PATJ: variants seen among roughly 807,000 people sequenced by gnomAD.
PATJ encodes the protein inaD-like protein.
Under a neutral mutation model 224.9 loss-of-function variants are expected in PATJ, and 190 were observed. That is an observed-to-expected ratio of 0.84 (90% CI 0.75 to 0.95). PATJ has a LOEUF of 0.95. PATJ is among the 40% of genes least tolerant of loss of function. The pLI, the probability that PATJ is intolerant of heterozygous loss-of-function variation, is 0.00. For missense variants in PATJ, 2,121 were observed against 2,270.3 expected, an observed-to-expected ratio of 0.93 and a Z score of 1.34; for synonymous variants, 769 against 820.3, an observed-to-expected ratio of 0.94 and a Z score of 1.07.
Position 61,771,408 on chromosome 1 carries a change from ATTTCT to A in PATJ, c.525-16_525-12del. 1 of 1,498,264 alleles carries A rather than the reference ATTTCT, an allele frequency of 6.7e-7. No homozygotes were observed. Among genetic ancestry groups the A allele is most frequent in the Non-Finnish European group, 9.0e-7 (1 of 1,116,630 alleles). 92.8% of individuals were successfully genotyped at this position (1,498,264 alleles called of 1,614,324 possible). On this transcript the variant is annotated intron_variant, in intron 5 of 43. Transcript: ENST00000642238. ...ATCAGGTTATTAGATCACTTAAAAAATTTCTTTTCTTACATGATTAAGGGATCAAA... is the reference window on the plus strand; with the variant it reads ...ATCAGGTTATTAGATCACTTAAAAAATTTCTTACATGATTAAGGGATCAAA...
At chr1:61,884,836 G>A (rs1487621618) in intron 22 of PATJ, among the ~76,000 whole-genome samples, 5 of 152,128 alleles carry the variant, frequency 3.3e-5, no homozygotes, top group Non-Finnish European at 7.4e-5. Flanking sequence ...TGAGAAATTA[G>A]TGCTTCAATA....
intron 13 of PATJ, 123 bp from the exon 14 acceptor site, chr1:61,808,351 A>T (rs769418775): frequency 1.1e-5 from 7 of 661,094 alleles, no homozygotes; most frequent in Non-Finnish European, 1.9e-5. Flanking sequence ...AATATAAGAA[A>T]GGTATCGGAA....
In PATJ at chr1:61,856,232, C is replaced by G; in HGVS notation, c.2315C>G (p.Pro772Arg). The G allele has an allele frequency of 6.2e-7, 1 of 1,612,804 alleles. No homozygotes were observed. The highest frequency in any genetic ancestry group is 8.5e-7 in the Non-Finnish European group (1 of 1,178,842). Residue 772 changes from proline (P) to arginine (R), a missense_variant, in exon 18 of 44, where the codon CCT becomes CGT. Transcript: ENST00000642238. ...CTAGTACACCTTGGCATCTGTAAGC[C>G]TTTGGTGGTAAGTGTTGTATTTTGT... is the stretch of plus-strand genomic sequence containing the variant. ...PGLVHLGICK[P>R]LVEDNEEESC...
At chr1:62,034,593 C>T (rs191959545) in intron 29 of PATJ, among the ~76,000 whole-genome samples, 4 of 152,120 alleles carry the variant, frequency 2.6e-5, no homozygotes, top group East Asian at 1.9e-4. Context: ...CTTTGGTTGC[C>T]GTCTTCCTAC....
intron 41 of PATJ, among the ~76,000 whole-genome samples, chr1:62,141,178 T>C (rs1287100464): frequency 6.6e-6 from 1 of 152,162 alleles, no homozygotes; most frequent in African/African-American, 2.4e-5. Context: ...TAAACTCTGT[T>C]GCCTCACACA....
intron 23 of PATJ, among the ~76,000 whole-genome samples, chr1:61,900,086 C>T (rs1434869964): frequency 6.6e-6 from 1 of 152,122 alleles, no homozygotes; most frequent in Non-Finnish European, 1.5e-5. Context: ...TGTTGAAAAC[C>T]CATCTTCCCT....
intron 16 of PATJ, among the ~76,000 whole-genome samples, chr1:61,828,584 G>A (rs955902031): frequency 2.0e-5 from 3 of 151,744 alleles, no homozygotes; most frequent in African/African-American, 7.3e-5. Context: ...TACAGTCAGG[G>A]TCTTGCCGTA....
chr1:62,089,060 G>A (rs1372016390), intron 33 of PATJ, among the ~76,000 whole-genome samples: 1 of 151,942 alleles, frequency 6.6e-6, no homozygotes, highest in African/African-American at 2.4e-5. Context: ...GATTACTTTT[G>A]TAAATAAAAG....
intron 42 of PATJ, among the ~76,000 whole-genome samples, chr1:62,151,586 G>A (rs983156860): frequency 3.3e-5 from 5 of 152,028 alleles, no homozygotes; most frequent in East Asian, 1.9e-4. Context: ...GCGAGACTCC[G>A]TCTCAAAAAA....
At chr1:61,884,690 A>G (rs1328595826) in intron 22 of PATJ, among the ~76,000 whole-genome samples, 2 of 152,156 alleles carry the variant, frequency 1.3e-5, no homozygotes, top group African/African-American at 4.8e-5. Context: ...AAGCAGATGC[A>G]CTTGAGGACA....
At position 62,018,991 on chromosome 1, in the gene PATJ, T is replaced by C. The variant is rs1646927208; in HGVS notation, c.3959+1044T>C. On this transcript the variant is annotated intron_variant, in intron 29 of 43. Transcript: ENST00000642238. This position sits in a 1 kb window ranked among gnomAD's most constrained non-coding sequence, Gnocchi z 4.2. ...CAGGCACGGTGGCTCACGTCTGTAA[T>C]CCCAGCACTTTGGGAGGATCACCTG... 6.6e-6 allele frequency among the ~76,000 whole-genome samples: 1 copy of C among 152,018 alleles called. No homozygotes were observed. The highest frequency in any genetic ancestry group is 1.5e-5 in the Non-Finnish European group (1 of 68,010).
chr1:61,817,954 G>A (rs961147177), intron 14 of PATJ, among the ~76,000 whole-genome samples: 2 of 152,128 alleles, frequency 1.3e-5, no homozygotes, highest in East Asian at 1.9e-4. Context: ...TCTGTTTTCT[G>A]TCAAGTTCAA....
intron 14 of PATJ, among the ~76,000 whole-genome samples, chr1:61,814,089 A>G (rs1438489944): frequency 3.4e-5 from 5 of 147,762 alleles, no homozygotes; most frequent in Non-Finnish European, 7.5e-5. Context: ...TGTTTTCTTC[A>G]CTAGAAGAAA....
intron 32 of PATJ, among the ~76,000 whole-genome samples, chr1:62,080,377 G>A (rs1230839799): frequency 6.6e-6 from 1 of 151,858 alleles, no homozygotes; most frequent in East Asian, 1.9e-4. Context: ...TGTCACCCAG[G>A]CTGGAGGGCA....
At chr1:61,955,465 G>A (rs914666110) in intron 27 of PATJ, among the ~76,000 whole-genome samples, 21 of 152,154 alleles carry the variant, frequency 1.4e-4, no homozygotes, top group Non-Finnish European at 2.9e-4. Context: ...TCTACTAGAA[G>A]AAGTGCTACA....
chr1:62,020,312 G>A (rs115354576), intron 29 of PATJ, among the ~76,000 whole-genome samples: 1,746 of 152,298 alleles, frequency 0.011, 30 homozygotes, highest in African/African-American at 0.039. Context: ...CATTTAGTAC[G>A]TAGTGATGGC....
At chr1:62,116,996 C>T (rs1041188649) in intron 36 of PATJ, 136 bp from the exon 37 acceptor site, 2 of 693,432 alleles carry the variant, frequency 2.9e-6, no homozygotes, top group Non-Finnish European at 4.7e-6. Context: ...AGAATTCATC[C>T]TCCTCTCTCT....
intron 20 of PATJ, among the ~76,000 whole-genome samples, chr1:61,874,841 T>A (rs929456387): frequency 4.6e-5 from 7 of 152,228 alleles, no homozygotes; most frequent in African/African-American, 1.7e-4. Context: ...TATGAAAATT[T>A]ATCACATATT....
chr1:62,138,128 G>A (rs1667145092), intron 41 of PATJ, among the ~76,000 whole-genome samples: 1 of 152,162 alleles, frequency 6.6e-6, no homozygotes, highest in African/African-American at 2.4e-5. Context: ...AAACCAAGTA[G>A]TTCATTAAAT....
Sources: gnomAD v4.1 joint callset for allele counts (sites outside exome capture counted in the v4.1 genomes callset) on GRCh38, gnomAD v4.1.1 for gene constraint, Gnocchi (gnomAD v3.1) non-coding constraint, MANE v1.5 for transcripts, NCBI Gene and HGNC (gene_info 2026-07-23, HGNC 2026-07-21) for gene names.